The following BRSK2 variants were observed in gnomAD, a reference collection of about 807,000 sequenced individuals.
BRSK2 encodes the protein serine/threonine-protein kinase BRSK2.
In BRSK2, 19 loss-of-function variants were observed where a neutral mutation model predicts 83.3. The observed-to-expected ratio is 0.23, with a 90% CI of 0.16 to 0.33. The LOEUF is 0.33. BRSK2 is among the 10% of genes least tolerant of loss of function. The pLI, the probability that BRSK2 is intolerant of heterozygous loss-of-function variation, is 1.00. For synonymous variants in BRSK2, 519 were observed against 435.4 expected (o/e 1.19, Z -2.39); for missense variants, 798 against 1,042.3 (o/e 0.77, Z 3.23).
rs746563247 is a variant in BRSK2 at position 1,445,010 on chromosome 11, G to A, written c.812+8G>A. The A allele has an allele frequency of 5.6e-6, 9 of 1,612,078 alleles. No individual in the cohort carries two copies. In the African/African-American group the frequency reaches 1.1e-4, roughly 19 times the overall value. ...GAAACACATATGGTATATGTAAGTA[G>A]CTTTTCCACCCACTAATCGCCTGCT... is the stretch of plus-strand genomic sequence containing the variant. On this transcript the variant is annotated splice_region_variant and intron_variant, in intron 9 of 19. Transcript: ENST00000528841.
rs774303871 is a variant in BRSK2, at chr11:1,450,754, C to T, written c.1455C>T (p.Ser485=). 1.9e-6 allele frequency: 3 copies of T among 1,595,184 alleles called. No individual in the cohort carries two copies. The highest frequency in any genetic ancestry group is 3.6e-5 in the Admixed American group (2 of 54,940). Residue 485 remains serine (S), a synonymous_variant, in exon 14 of 20, where the codon AGC becomes AGT. Transcript: ENST00000528841. ...CGCGGCTCAACTCCATCAAGAACAGCTTTCTGGGCTCACCCCGCTTCCACC... is the reference window on the plus strand; with the variant it reads ...CGCGGCTCAACTCCATCAAGAACAGTTTTCTGGGCTCACCCCGCTTCCACC... ...WRARLNSIKN[S]FLGSPRFHRR... is the part of the protein sequence containing the mutation.
At chr11:1,452,493 C>T (rs933455613) in intron 15 of BRSK2, among the ~76,000 whole-genome samples, 3 of 152,360 alleles carry the variant, frequency 2.0e-5, no homozygotes, top group East Asian at 3.9e-4. Context: ...ACATCAAAGC[C>T]GAGAAGGTGG....
At chr11:1,452,305 G>C (rs1006212819) in intron 15 of BRSK2, among the ~76,000 whole-genome samples, 1 of 152,230 alleles carries the variant, frequency 6.6e-6, no homozygotes, top group African/African-American at 2.4e-5. Flanking sequence ...GCGCCGATCA[G>C]GTGGCCCTTC....
intron 1 of BRSK2, chr11:1,411,236 TCCTTCCTCACAG>T (rs1203962411): frequency 2.4e-6 from 3 of 1,266,880 alleles, no homozygotes. Context: ...GCTCTGAGCT[TCCTTCCTCACAG>T]CCTTGCTCCT....
At chr11:1,408,277 A>G (rs1836704501) in intron 1 of BRSK2, among the ~76,000 whole-genome samples, 1 of 151,960 alleles carries the variant, frequency 6.6e-6, no homozygotes, top group African/African-American at 2.4e-5. Flanking sequence ...GCAGTCCCAC[A>G]CTCATGCCCC....
chr11:1,425,417 G>A (rs1223424989), intron 1 of BRSK2, among the ~76,000 whole-genome samples: 1 of 152,024 alleles, frequency 6.6e-6, no homozygotes, highest in Non-Finnish European at 1.5e-5. Flanking sequence ...AGGAAGCTGT[G>A]GTGTCCTTGT....
In BRSK2 at chr11:1,438,267, G is replaced by A. The variant is rs1465556234; in HGVS notation, c.187-39G>A. 6 of 1,599,830 alleles carry A rather than the reference G, an allele frequency of 3.8e-6. No homozygotes were observed. Among genetic ancestry groups the A allele is most frequent in the Non-Finnish European group, 4.3e-6 (5 of 1,167,592 alleles). On this transcript the variant is annotated intron_variant, in intron 2 of 19. Coordinates refer to ENST00000528841, the MANE Select transcript of BRSK2 (RefSeq NM_001256627.2). The surrounding 1 kb of genome is among the most constrained non-coding windows in gnomAD (Gnocchi z 6.4). ...TCTGTGGGGAGCGATGCGTGCCCCAGCCCTGTGAGCGTGATGTTCTCTGGC... is the reference window on the plus strand; with the variant it reads ...TCTGTGGGGAGCGATGCGTGCCCCAACCCTGTGAGCGTGATGTTCTCTGGC...
intron 1 of BRSK2, among the ~76,000 whole-genome samples, chr11:1,400,430 C>T (rs117356396): frequency 0.024 from 3,587 of 152,318 alleles, 56 homozygotes; most frequent in Non-Finnish European, 0.033. Flanking sequence ...TGACCCTGGG[C>T]GGTGGCCTCC....
chr11:1,398,186 AG>A (rs1228535827), intron 1 of BRSK2, among the ~76,000 whole-genome samples: 3 of 152,026 alleles, frequency 2.0e-5, no homozygotes, highest in Non-Finnish European at 4.4e-5. Context: ...GGGTCAGGAT[AG>A]GGGCTGGGGG....
chr11:1,449,149 G>C (rs905245280), intron 12 of BRSK2, among the ~76,000 whole-genome samples: 3 of 152,230 alleles, frequency 2.0e-5, no homozygotes, highest in Admixed American at 6.5e-5. Flanking sequence ...AGTCTCAGCC[G>C]GGCACGCCGG....
rs1219369800 is a variant in BRSK2 at position 1,445,574 on chromosome 11, G to A, written c.981G>A (p.Glu327=). ...KLLQDLLSEE[E]NQEKMIYFLL... ...TCGCGCCTCTCGCCCGCTGTAGGGA[G>A]AACCAGGAGAAGATGATTTACTTCC... The change falls in exon 11 of 20, where the codon GAG becomes GAA. Residue 327 remains glutamate, a synonymous_variant. Coordinates refer to ENST00000528841, the MANE Select transcript of BRSK2 (RefSeq NM_001256627.2). The A allele has an allele frequency of 6.3e-7, 1 of 1,577,176 alleles. No homozygotes were observed. The highest frequency in any genetic ancestry group is 8.6e-7 in the Non-Finnish European group (1 of 1,161,796).
intron 1 of BRSK2, among the ~76,000 whole-genome samples, chr11:1,434,148 G>A (rs1164373790): frequency 3.3e-5 from 5 of 152,242 alleles, no homozygotes; most frequent in Non-Finnish European, 7.3e-5. Flanking sequence ...CAGGAAAGGA[G>A]CCCAGAGCAC....
At chr11:1,392,409 C>T (rs12577231) in intron 1 of BRSK2, among the ~76,000 whole-genome samples, 5,886 of 152,280 alleles carry the variant, frequency 0.039, 152 homozygotes, top group South Asian at 0.068. Flanking sequence ...GGTGTGGACG[C>T]GACTCCAGCC....
At position 1,458,411 on chromosome 11, in the gene BRSK2, G is replaced by A. The variant is rs921281398; in HGVS notation, c.1940-781G>A. Among the ~76,000 whole-genome samples the A allele has an allele frequency of 2.6e-5, 4 of 152,204 alleles. No homozygotes were observed. The East Asian group carries it at 5.8e-4, about 22-fold the overall frequency. ...ATCTATCTCCCTGTGGACTTGGGGA[G>A]CCCAGCCTATCCCCGTGATCTCGCT... is the stretch of plus-strand genomic sequence containing the variant. On this transcript the variant is annotated intron_variant, in intron 18 of 19. Coordinates refer to ENST00000528841, the MANE Select transcript of BRSK2 (RefSeq NM_001256627.2).
At chr11:1,436,237 G>A in intron 2 of BRSK2, 103 bp downstream of exon 2, 1 of 538,600 alleles carries the variant, frequency 1.9e-6, no homozygotes. Flanking sequence ...GCTGGATGCG[G>A]GTGGGGGGGC....
At chr11:1,406,404 G>A (rs1418004450) in intron 1 of BRSK2, among the ~76,000 whole-genome samples, 5 of 152,198 alleles carry the variant, frequency 3.3e-5, no homozygotes, top group Non-Finnish European at 5.9e-5. Flanking sequence ...CCCGGGAGGC[G>A]GAGCTTGCAG....
At position 1,456,601 on chromosome 11, in the gene BRSK2, C is replaced by T. The variant is rs1481093096; in HGVS notation, c.1853C>T (p.Pro618Leu). The change falls in exon 18 of 20, where the codon CCC becomes CTC. Residue 618 changes from proline to leucine, a missense_variant. Coordinates refer to ENST00000528841, the MANE Select transcript of BRSK2 (RefSeq NM_001256627.2). The stretch of plus-strand genomic sequence containing the variant: ...CATAACCCCCTGTCTCCCCTAGGCC[C>T]CAGCCGTCGCTTCAAGAGGGTGGTG... ...YSVTFTLLSG[P>L]SRRFKRVVET... 1.9e-6 allele frequency: 3 copies of T among 1,610,622 alleles called. No homozygotes were observed. Among genetic ancestry groups the T allele is most frequent in the Non-Finnish European group, 2.5e-6 (3 of 1,179,170 alleles).
intron 1 of BRSK2, among the ~76,000 whole-genome samples, chr11:1,417,113 T>G (rs560549761): frequency 1.3e-5 from 2 of 152,256 alleles, no homozygotes; most frequent in African/African-American, 4.8e-5. Context: ...GAGCTGAGAT[T>G]GCACCACTGC....
rs1046638036 is a variant in BRSK2 at position 1,461,182 on chromosome 11, G to A, written c.*459G>A. 1.1e-5 allele frequency: 9 copies of A among 820,700 alleles called. No individual in the cohort carries two copies. Among genetic ancestry groups the A allele is most frequent in the South Asian group, 7.5e-5 (4 of 53,208 alleles). 50.8% of individuals were successfully genotyped at this position (820,700 alleles called of 1,614,324 possible). The stretch of plus-strand genomic sequence containing the variant: ...GGCTCGGGGGAGCCTCCTCCAGCCC[G>A]GCCGACCCGGACTCCCGGTCACCTG... On this transcript the variant is annotated 3_prime_UTR_variant, in exon 20 of 20. Coordinates refer to ENST00000528841, the MANE Select transcript of BRSK2 (RefSeq NM_001256627.2).
Sources: gnomAD v4.1 joint callset for allele counts (sites outside exome capture counted in the v4.1 genomes callset) on GRCh38, gnomAD v4.1.1 for gene constraint, Gnocchi (gnomAD v3.1) non-coding constraint, MANE v1.5 for transcripts, NCBI Gene and HGNC (gene_info 2026-07-23, HGNC 2026-07-21) for gene names.